GALNTL6: variants seen among roughly 807,000 people sequenced by gnomAD.
GALNTL6 encodes polypeptide N-acetylgalactosaminyltransferase-like 6.
Under a neutral mutation model 73.7 loss-of-function variants are expected in GALNTL6, and 46 were observed. The observed-to-expected ratio is 0.62, with a 90% CI of 0.49 to 0.80. GALNTL6 has a LOEUF of 0.80. Ranked by LOEUF, GALNTL6 falls within the 30% of genes least tolerant of loss-of-function variation. GALNTL6 has a pLI of 0.00. For missense variants in GALNTL6, 604 were observed against 755.0 expected (o/e 0.80, Z 2.34); for synonymous variants, 259 against 263.7 (o/e 0.98, Z 0.17).
intron 8 of GALNTL6, among the ~76,000 whole-genome samples, chr4:172,893,353 G>C (rs904835278): frequency 9.2e-5 from 14 of 151,920 alleles, no homozygotes; most frequent in East Asian, 3.9e-4. Flanking sequence ...GGCGGGGGGG[G>C]GGTCTTCCCC....
intron 2 of GALNTL6, among the ~76,000 whole-genome samples, chr4:171,904,420 A>G (rs7699361): frequency 0.56 from 85,499 of 151,400 alleles, 25,282 homozygotes; most frequent in African/African-American, 0.76. Context: ...TGAATGAAAC[A>G]AAGAGAGAAG....
intron 5 of GALNTL6, among the ~76,000 whole-genome samples, chr4:172,491,860 T>C (rs1733907303): frequency 6.6e-6 from 1 of 152,162 alleles, no homozygotes; most frequent in South Asian, 2.1e-4. Flanking sequence ...TTGGTGTTCC[T>C]CAAAAGAAAT....
At chr4:171,840,194 A>G (rs2110841656) in intron 2 of GALNTL6, among the ~76,000 whole-genome samples, 1 of 152,202 alleles carries the variant, frequency 6.6e-6, no homozygotes, top group East Asian at 1.9e-4. Context: ...TAACAGGGAA[A>G]TAACTGTTAT....
chr4:172,789,539 A>G (rs533826750), intron 5 of GALNTL6, among the ~76,000 whole-genome samples: 9 of 152,210 alleles, frequency 5.9e-5, no homozygotes, highest in East Asian at 1.9e-4. Context: ...GTTATAAAGG[A>G]TTTTGCAAAA....
intron 5 of GALNTL6, chr4:172,425,437 C>G (rs926083424): frequency 6.6e-6 from 1 of 151,974 alleles, no homozygotes; most frequent in Non-Finnish European, 1.5e-5. Context: ...ATAATCAATA[C>G]TTTTTGAACT....
chr4:172,685,361 A>G (rs890170309), intron 5 of GALNTL6, among the ~76,000 whole-genome samples: 83 of 152,326 alleles, frequency 5.4e-4, no homozygotes, highest in African/African-American at 1.8e-3. Context: ...CTAATATTAT[A>G]TAAACTGAGC....
chr4:172,181,900 G>A (rs1735257482), intron 2 of GALNTL6, among the ~76,000 whole-genome samples: 1 of 151,732 alleles, frequency 6.6e-6, no homozygotes, highest in Non-Finnish European at 1.5e-5. Context: ...TGTATTTTTA[G>A]TAGAGACAGG....
At chr4:171,953,606 T>C (rs534095299) in intron 2 of GALNTL6, among the ~76,000 whole-genome samples, 1 of 152,292 alleles carries the variant, frequency 6.6e-6, no homozygotes, top group Non-Finnish European at 1.5e-5. Flanking sequence ...ATTCAATCTT[T>C]AGGAGAAATT....
intron 5 of GALNTL6, among the ~76,000 whole-genome samples, chr4:172,411,205 T>G (rs1254473499): frequency 6.6e-6 from 1 of 152,124 alleles, no homozygotes; most frequent in Non-Finnish European, 1.5e-5. Context: ...AAAGGGCTTT[T>G]AATGGAGTAA....
intron 2 of GALNTL6, among the ~76,000 whole-genome samples, chr4:171,825,064 A>G (rs1003115416): frequency 5.3e-5 from 8 of 152,186 alleles, no homozygotes; most frequent in Non-Finnish European, 1.5e-5. Context: ...ATTTCTGAAC[A>G]TGTATTCTGC....
At chr4:171,916,655 C>T (rs888717185) in intron 2 of GALNTL6, among the ~76,000 whole-genome samples, 2 of 152,056 alleles carry the variant, frequency 1.3e-5, no homozygotes, top group South Asian at 2.1e-4. Flanking sequence ...ATCTATTCAG[C>T]GCTTCTTCAT....
intron 2 of GALNTL6, among the ~76,000 whole-genome samples, chr4:172,037,513 A>G (rs577797403): frequency 3.4e-4 from 51 of 152,236 alleles, no homozygotes; most frequent in African/African-American, 1.2e-3. Context: ...AAAAACACTA[A>G]AAATGCCCTC....
At chr4:172,178,382 C>T (rs1735115069) in intron 2 of GALNTL6, among the ~76,000 whole-genome samples, 1 of 152,144 alleles carries the variant, frequency 6.6e-6, no homozygotes, top group Non-Finnish European at 1.5e-5. Context: ...AACCTGTAAT[C>T]TGCATTAGGC....
intron 5 of GALNTL6, among the ~76,000 whole-genome samples, chr4:172,611,809 G>A (rs1004126954): frequency 2.0e-5 from 3 of 151,970 alleles, no homozygotes; most frequent in Non-Finnish European, 4.4e-5. Flanking sequence ...AAGTTTTCAA[G>A]GGTATATATC....
At chr4:172,370,508 G>A (rs948710249) in intron 5 of GALNTL6, among the ~76,000 whole-genome samples, 4 of 151,234 alleles carry the variant, frequency 2.6e-5, no homozygotes, top group African/African-American at 9.7e-5. Flanking sequence ...GTGGGCGCCT[G>A]TAGTCCCAGC....
chr4:172,701,003 T>C lies in GALNTL6; in HGVS notation c.554-108358T>C, dbSNP rs895283058. On this transcript the variant is annotated intron_variant, in intron 5 of 12. Transcript: ENST00000506823. ...GGAGCCTGAGGCCTCATGGAACGTG[T>C]CTCAAAATCTTTGCCTGAGAAGTAG... Among the ~76,000 whole-genome samples, 6 of 152,110 alleles carry C rather than the reference T, an allele frequency of 3.9e-5. 1 individual carries two copies. In the East Asian group the frequency reaches 5.8e-4, roughly 15 times the overall value.
chr4:172,524,576 C>T (rs1007636528), intron 5 of GALNTL6, among the ~76,000 whole-genome samples: 2 of 152,160 alleles, frequency 1.3e-5, no homozygotes, highest in South Asian at 2.1e-4. Context: ...TATCCCGGTT[C>T]GTGAACGTTA....
At chr4:172,925,332 G>A (rs1285593480) in intron 8 of GALNTL6, among the ~76,000 whole-genome samples, 1 of 152,180 alleles carries the variant, frequency 6.6e-6, no homozygotes, top group Non-Finnish European at 1.5e-5. Flanking sequence ...CTTCTGAGGG[G>A]AAGAATTTTA....
At chr4:172,009,328 C>T (rs6828562) in intron 2 of GALNTL6, among the ~76,000 whole-genome samples, 101,756 of 151,878 alleles carry the variant, frequency 0.67, 36,832 homozygotes, top group Non-Finnish European at 0.8. Context: ...GTTTAAACAG[C>T]GTGTGGGTTG....
Sources: gnomAD v4.1 joint callset for allele counts (sites outside exome capture counted in the v4.1 genomes callset) on GRCh38, gnomAD v4.1.1 for gene constraint, MANE v1.5 for transcripts, NCBI Gene and HGNC (gene_info 2026-07-23, HGNC 2026-07-21) for gene names.